CLDN10: variants seen among roughly 807,000 people sequenced by gnomAD.
CLDN10 encodes the protein claudin 10.
A neutral mutation model predicts 22.9 loss-of-function variants in CLDN10; 15 were observed. That is an observed-to-expected ratio of 0.65 (90% CI 0.44 to 1.01). The LOEUF is 1.01. CLDN10 is among the 50% of genes least tolerant of loss of function. The pLI, the probability that CLDN10 is intolerant of heterozygous loss-of-function variation, is 0.00. For synonymous variants in CLDN10, 114 were observed against 111.4 expected (o/e 1.02, Z -0.15); for missense variants, 247 against 287.8 (o/e 0.86, Z 1.03).
At chr13:95,520,913 C>G (rs118123825) in intron 1 of CLDN10, among the ~76,000 whole-genome samples, 1 of 150,604 alleles carries the variant, frequency 6.6e-6, no homozygotes, top group Non-Finnish European at 1.5e-5. Flanking sequence ...TGCAGTGAGC[C>G]GAGATCACAC....
intron 1 of CLDN10, among the ~76,000 whole-genome samples, chr13:95,521,609 A>G (rs1433178941): frequency 2.0e-5 from 3 of 152,186 alleles, no homozygotes; most frequent in African/African-American, 7.2e-5. Flanking sequence ...TTTTGCATCT[A>G]TATTCATGAA....
At chr13:95,474,221 G>T (rs1036386411) in intron 1 of CLDN10, among the ~76,000 whole-genome samples, 7 of 152,154 alleles carry the variant, frequency 4.6e-5, no homozygotes, top group Non-Finnish European at 1.0e-4. Context: ...AGATCATCAG[G>T]CATTAGATTC....
At chr13:95,533,368 A>G (rs769628217) in intron 1 of CLDN10, among the ~76,000 whole-genome samples, 42 of 152,162 alleles carry the variant, frequency 2.8e-4, no homozygotes, top group Non-Finnish European at 4.9e-4. Context: ...TATATATTTT[A>G]TAAAGTTTTA....
rs747316537 is a variant in CLDN10 at position 95,560,223 on chromosome 13, C to A, written c.312C>A (p.Thr104=). The change falls in exon 2 of 5, where the codon ACC becomes ACA. Residue 104 remains threonine (T), a synonymous_variant. Transcript: ENST00000299339. ...SIFALFGMKC[T]KVGGSDKAKA... is the part of the protein sequence containing the mutation. ...TTGCGCTCTTTGGAATGAAGTGTAC[C>A]AAAGTCGGAGGCTCCGATAAAGCCA... 1.4e-4 allele frequency: 233 copies of A among 1,614,024 alleles called. No individual in the cohort carries two copies. Among genetic ancestry groups the A allele is most frequent in the Non-Finnish European group, 1.9e-4 (226 of 1,180,012 alleles).
chr13:95,561,560 T>A (rs1594614203), intron 3 of CLDN10, among the ~76,000 whole-genome samples: 1 of 152,154 alleles, frequency 6.6e-6, no homozygotes, highest in African/African-American at 2.4e-5. Context: ...CTTGGTACTC[T>A]TTTTTTAAAT....
chr13:95,552,742 G>GCAGCCGGCGGCATGGCTAGCACGGCTT lies in CLDN10; in HGVS notation c.-10_17dup. The GCAGCCGGCGGCATGGCTAGCACGGCTT allele has an allele frequency of 1.2e-6, 2 of 1,604,556 alleles. No individual in the cohort carries two copies. Among genetic ancestry groups the GCAGCCGGCGGCATGGCTAGCACGGCTT allele is most frequent in the Non-Finnish European group, 1.7e-6 (2 of 1,175,700 alleles). On this transcript the variant is annotated 5_prime_UTR_variant, in exon 1 of 5. It adds an upstream start codon to the 5' untranslated region. Coordinates refer to ENST00000299339, the MANE Select transcript of CLDN10 (RefSeq NM_006984.5). Reference sequence around the variant, plus strand: ...TGGGAGCCGGAGAGCGAGCGCGGCTGCAGCCGGCGGCATGGCTAGCACGGC... The same window carrying GCAGCCGGCGGCATGGCTAGCACGGCTT: ...TGGGAGCCGGAGAGCGAGCGCGGCTGCAGCCGGCGGCATGGCTAGCACGGCTTCAGCCGGCGGCATGGCTAGCACGGC...
At position 95,577,764 on chromosome 13, in the gene CLDN10, G is replaced by A. The variant is rs1242069492; in HGVS notation, c.573-136G>A. The A allele has an allele frequency of 6.9e-6, 4 of 578,080 alleles. No individual in the cohort carries two copies. The East Asian group carries it at 1.2e-4, about 17-fold the overall frequency. The allele number at this position is 578,080 out of a possible 1,614,324, so 35.8% of individuals were successfully genotyped here. On this transcript the variant is annotated intron_variant, in intron 4 of 4. Coordinates refer to ENST00000299339, the MANE Select transcript of CLDN10 (RefSeq NM_006984.5). Reference sequence around the variant, plus strand: ...ACTGAAAATACTTCTTGGGGCAAGAGGAGAGAAGAAAGCTATCTAAGAAAG... The same window carrying A: ...ACTGAAAATACTTCTTGGGGCAAGAAGAGAGAAGAAAGCTATCTAAGAAAG...
intron 1 of CLDN10, among the ~76,000 whole-genome samples, chr13:95,484,847 C>A (rs1456179295): frequency 2.2e-5 from 2 of 92,700 alleles, no homozygotes; most frequent in African/African-American, 7.9e-5. Context: ...GCCTGGGTAA[C>A]AAAGTGAGAC....
intron 1 of CLDN10, among the ~76,000 whole-genome samples, chr13:95,475,878 TTGAGCACCATGGCTCTGCTGTGA>T (rs576549615): frequency 5.3e-5 from 8 of 151,928 alleles, no homozygotes; most frequent in African/African-American, 1.9e-4. Context: ...CTGTCGGGAC[TTGAGCACCATGGCTCTGCTGTGA>T]TGAGCACCAT....
At chr13:95,475,893 C>G (rs2042681950) in intron 1 of CLDN10, among the ~76,000 whole-genome samples, 1 of 151,978 alleles carries the variant, frequency 6.6e-6, no homozygotes, top group Admixed American at 6.6e-5. Context: ...CACCATGGCT[C>G]TGCTGTGATG....
intron 1 of CLDN10, among the ~76,000 whole-genome samples, chr13:95,505,749 C>CTTTTTTTT (rs34828390): frequency 9.6e-5 from 10 of 103,740 alleles, no homozygotes; most frequent in Admixed American, 2.3e-4. Flanking sequence ...CCTTCCCTTT[C>CTTTTTTTT]TTTTTTTTTT....
At chr13:95,487,674 T>C (rs1220355807) in intron 1 of CLDN10, among the ~76,000 whole-genome samples, 1 of 152,222 alleles carries the variant, frequency 6.6e-6, no homozygotes, top group Non-Finnish European at 1.5e-5. Flanking sequence ...TTCTAAGTTT[T>C]TCTAATTTTT....
chr13:95,519,049 T>C lies in CLDN10; in HGVS notation c.215-41083T>C, dbSNP rs140893308. Among the ~76,000 whole-genome samples the C allele has an allele frequency of 2.3e-3, 352 of 152,324 alleles. 3 individuals carry two copies. Among genetic ancestry groups the C allele is most frequent in the African/African-American group, 7.6e-3 (316 of 41,572 alleles). On this transcript the variant is annotated intron_variant, in intron 1 of 4. Transcript: ENST00000376873. Reference sequence around the variant, plus strand: ...CCTTGAGTAAATTGCTTAATCTCTCTGCACCTCAGTGTCCTGTAGGAGAGC... The same window carrying C: ...CCTTGAGTAAATTGCTTAATCTCTCCGCACCTCAGTGTCCTGTAGGAGAGC...
At chr13:95,547,046 C>CT (rs34873593) in intron 1 of CLDN10, among the ~76,000 whole-genome samples, 50,003 of 131,252 alleles carry the variant, frequency 0.38, 10,362 homozygotes, top group East Asian at 0.57. Flanking sequence ...GGCTGGCTAA[C>CT]TTTTTTTTTT....
At chr13:95,520,021 TG>T (rs11294229) in intron 1 of CLDN10, among the ~76,000 whole-genome samples, 59,372 of 152,080 alleles carry the variant, frequency 0.39, 11,831 homozygotes, top group African/African-American at 0.45. Context: ...GAATATAGTG[TG>T]TGTGTGTGCA....
In CLDN10 at chr13:95,557,712, T is replaced by A. The variant is rs568793879; in HGVS notation, c.221-2420T>A. 4.6e-5 allele frequency among the ~76,000 whole-genome samples: 7 copies of A among 152,250 alleles called. No homozygotes were observed. In the South Asian group the frequency reaches 8.3e-4, roughly 18 times the overall value. On this transcript the variant is annotated intron_variant, in intron 1 of 4. Transcript: ENST00000299339. ...TCTGCCCTGCCCACTTCTCCTCTCA[T>A]GCTTGTGTCAAGAGACCAAAGTGGG...
chr13:95,497,191 T>C (rs2042938662), intron 1 of CLDN10: 1 of 152,092 alleles, frequency 6.6e-6, no homozygotes, highest in Non-Finnish European at 1.5e-5. Flanking sequence ...AATTAAACAA[T>C]CTATTATATC....
At chr13:95,561,852 C>A (rs779431102) in intron 3 of CLDN10, among the ~76,000 whole-genome samples, 1 of 149,628 alleles carries the variant, frequency 6.7e-6, no homozygotes, top group Non-Finnish European at 1.5e-5. Context: ...TGCAGCCTTG[C>A]GCTTCTGCAC....
At chr13:95,464,101 T>A (rs950918670) in intron 1 of CLDN10, among the ~76,000 whole-genome samples, 2 of 150,406 alleles carry the variant, frequency 1.3e-5, no homozygotes, top group Admixed American at 6.6e-5. Flanking sequence ...TTTTTAAATA[T>A]ATATATATAT....
Sources: gnomAD v4.1 joint callset for allele counts (sites outside exome capture counted in the v4.1 genomes callset) on GRCh38, gnomAD v4.1.1 for gene constraint, MANE v1.5 for transcripts, NCBI Gene and HGNC (gene_info 2026-07-23, HGNC 2026-07-21) for gene names.